The following EPS15L1 variants were observed in gnomAD, a reference collection of about 807,000 sequenced individuals.
The protein encoded by EPS15L1 is epidermal growth factor receptor pathway substrate 15 like 1.
Under a neutral mutation model 117.1 loss-of-function variants are expected in EPS15L1, and 43 were observed. That is an observed-to-expected ratio of 0.37 (90% CI 0.29 to 0.47). The LOEUF is 0.47. Ranked by LOEUF, EPS15L1 falls within the 20% of genes least tolerant of loss-of-function variation. The pLI is 0.99. For synonymous variants in EPS15L1, 459 were observed against 470.5 expected, an observed-to-expected ratio of 0.98 and a Z score of 0.32; for missense variants, 981 against 1,164.0, an observed-to-expected ratio of 0.84 and a Z score of 2.29.
At chr19:16,458,277 TCG>T (rs2093215702) in intron 1 of EPS15L1, among the ~76,000 whole-genome samples, 1 of 152,060 alleles carries the variant, frequency 6.6e-6, no homozygotes, top group Non-Finnish European at 1.5e-5. Flanking sequence ...CAGGCACCCC[TCG>T]AGGCTCCCGG....
intron 22 of EPS15L1, 72 bp from the exon 23 acceptor site, chr19:16,362,056 G>C: frequency 7.0e-7 from 1 of 1,438,010 alleles, no homozygotes; most frequent in African/African-American, 1.4e-5. Context: ...AGAGCAGAAT[G>C]CTGGTGGGCA....
intron 1 of EPS15L1, among the ~76,000 whole-genome samples, chr19:16,469,867 C>T (rs1341830761): frequency 6.6e-6 from 1 of 152,086 alleles, no homozygotes; most frequent in Non-Finnish European, 1.5e-5. Context: ...GGAATTATAC[C>T]CTTGGTTCCC....
At chr19:16,400,352 A>C (rs2092587057) in intron 16 of EPS15L1, among the ~76,000 whole-genome samples, 1 of 151,084 alleles carries the variant, frequency 6.6e-6, no homozygotes, top group East Asian at 2.0e-4. Context: ...AAAAAAAACA[A>C]AAACAAAAAA....
At chr19:16,426,990 T>A (rs2144982980) in intron 8 of EPS15L1, among the ~76,000 whole-genome samples, 1 of 152,208 alleles carries the variant, frequency 6.6e-6, no homozygotes, top group Non-Finnish European at 1.5e-5. Context: ...CGCACTGAAG[T>A]GTTTGTGGAT....
At chr19:16,431,006 A>T (rs1380700828) in intron 7 of EPS15L1, among the ~76,000 whole-genome samples, 1 of 152,156 alleles carries the variant, frequency 6.6e-6, no homozygotes, top group East Asian at 1.9e-4. Context: ...TGGGAGTCCA[A>T]GGCAGGCGGA....
intron 7 of EPS15L1, among the ~76,000 whole-genome samples, chr19:16,432,646 C>T (rs983377120): frequency 6.6e-6 from 1 of 151,668 alleles, no homozygotes; most frequent in Admixed American, 6.6e-5. Context: ...GTGGTGCATG[C>T]CTGTAATCCC....
At chr19:16,415,558 C>T (rs141062545) in intron 12 of EPS15L1, among the ~76,000 whole-genome samples, 1 of 152,236 alleles carries the variant, frequency 6.6e-6, no homozygotes, top group South Asian at 2.1e-4. Context: ...GCTCTTTAAA[C>T]TGAAGGACCT....
chr19:16,361,707 G>T, intron 23 of EPS15L1, 72 bp downstream of exon 23: 1 of 1,515,742 alleles, frequency 6.6e-7, no homozygotes, highest in South Asian at 1.3e-5. Flanking sequence ...GCCTTTAAAA[G>T]GAGACAAAAA....
intron 4 of EPS15L1, 84 bp from the exon 5 acceptor site, chr19:16,437,949 G>A: frequency 9.7e-7 from 1 of 1,029,062 alleles, no homozygotes; most frequent in Non-Finnish European, 1.5e-6. Context: ...AGGCTTCAGG[G>A]AAAGAGGATG....
At chr19:16,465,276 C>A (rs973669013) in intron 1 of EPS15L1, among the ~76,000 whole-genome samples, 1 of 152,162 alleles carries the variant, frequency 6.6e-6, no homozygotes, top group Non-Finnish European at 1.5e-5. Context: ...GCCCCTCCTG[C>A]AGCTTGGACC....
At chr19:16,426,831 T>A (rs188307497) in intron 8 of EPS15L1, among the ~76,000 whole-genome samples, 2 of 152,274 alleles carry the variant, frequency 1.3e-5, no homozygotes, top group African/African-American at 2.4e-5. Context: ...ATCCTGGGAT[T>A]AGATAATAAT....
intron 22 of EPS15L1, among the ~76,000 whole-genome samples, chr19:16,368,760 T>C (rs2092175870): frequency 6.6e-6 from 1 of 151,722 alleles, no homozygotes; most frequent in South Asian, 2.1e-4. Context: ...AAAACCATCA[T>C]TCACCCTACA....
chr19:16,424,907 C>T (rs903344203), intron 9 of EPS15L1, among the ~76,000 whole-genome samples, 176 bp downstream of exon 9: 1 of 152,064 alleles, frequency 6.6e-6, no homozygotes, highest in African/African-American at 2.4e-5. Flanking sequence ...GAGATCTGCC[C>T]ACCTCGGCCT....
chr19:16,464,373 G>A (rs903398821), intron 1 of EPS15L1, among the ~76,000 whole-genome samples: 4 of 152,178 alleles, frequency 2.6e-5, no homozygotes, highest in African/African-American at 7.2e-5. Context: ...AGTCCAGCGC[G>A]AAGGACAGTG....
In EPS15L1 at chr19:16,381,565, T is replaced by C. The variant is rs1171821467; in HGVS notation, c.2247+3564A>G. Among the ~76,000 whole-genome samples, 1 of 152,184 alleles carries C rather than the reference T, an allele frequency of 6.6e-6. No homozygotes were observed. The highest frequency in any genetic ancestry group is 1.5e-5 in the Non-Finnish European group (1 of 68,034). ...ATGTGACAGGCATCAGTCCACTCAC[T>C]GGCACTAGATAAAGTTGGCACATGG... On this transcript the variant is annotated intron_variant, in intron 21 of 23. Transcript: ENST00000455140. This position sits in a 1 kb window ranked among gnomAD's most constrained non-coding sequence, Gnocchi z 4.2.
rs1248413103 is a variant in EPS15L1 at position 16,428,752 on chromosome 19, G to A, written c.508C>T (p.Leu170Phe). 10 of 1,610,252 alleles carry A rather than the reference G, an allele frequency of 6.2e-6. No individual in the cohort carries two copies. The highest frequency in any genetic ancestry group is 8.5e-6 in the Non-Finnish European group (10 of 1,178,704). The change falls in exon 8 of 24, where the codon CTC (leucine) becomes TTC (phenylalanine). Residue 170 changes from leucine to phenylalanine, a missense_variant. Leu to Phe is a conservative substitution (Grantham distance 22). Around this residue, in one of 5 missense-constraint regions of EPS15L1, gnomAD observed 11 missense variants for 36.5 expected, o/e 0.30. Transcript: ENST00000455140. ...PLDVLGRVWDLSDIDKDGHLD... is the reference protein window; with the variant it reads ...PLDVLGRVWDFSDIDKDGHLD... ...TGCCCATCCTTGTCAATGTCACTGA[G>A]GTCCCAGACCTGCAAGGGAGAGACC...
chr19:16,362,061 T>G, intron 22 of EPS15L1, 77 bp from the exon 23 acceptor site: 1 of 1,419,836 alleles, frequency 7.0e-7, no homozygotes, highest in South Asian at 1.5e-5. Context: ...AGAATGCTGG[T>G]GGGCACAAGC....
intron 22 of EPS15L1, among the ~76,000 whole-genome samples, chr19:16,375,293 T>C (rs2092280313): frequency 6.6e-6 from 1 of 152,238 alleles, no homozygotes; most frequent in South Asian, 2.1e-4. Context: ...TGCAAACAGG[T>C]GCATGCATGC....
intron 13 of EPS15L1, among the ~76,000 whole-genome samples, chr19:16,407,773 G>A (rs1184726036): frequency 6.6e-6 from 1 of 152,258 alleles, no homozygotes; most frequent in East Asian, 1.9e-4. Flanking sequence ...GTTTCCTTCA[G>A]GGCAGTCTCC....
Sources: allele counts gnomAD v4.1 joint callset (sites outside exome capture counted in the v4.1 genomes callset), GRCh38; gene constraint gnomAD v4.1.1; regional missense constraint gnomAD v4.1.1; non-coding constraint Gnocchi (gnomAD v3.1); transcripts MANE v1.5; gene names NCBI Gene and HGNC (gene_info 2026-07-23, HGNC 2026-07-21).